IGSF21: variants seen among roughly 807,000 people sequenced by gnomAD.
IGSF21 encodes immunoglobulin superfamily member 21.
Under a neutral mutation model 46.8 loss-of-function variants are expected in IGSF21, and 28 were observed. The observed-to-expected ratio is 0.60, with a 90% CI of 0.44 to 0.82. The LOEUF (loss-of-function observed/expected upper bound fraction) is 0.82, where lower values mean the gene tolerates loss of function less well. Among genes scored for constraint, IGSF21 ranks in the 40% least tolerant of loss-of-function variants. The pLI is 0.00. For missense variants in IGSF21, 624 were observed against 665.5 expected, an observed-to-expected ratio of 0.94 and a Z score of 0.69; for synonymous variants, 284 against 273.6, an observed-to-expected ratio of 1.04 and a Z score of -0.38.
At position 18,109,087 on chromosome 1, in the gene IGSF21, G is replaced by C. The variant is rs2086118026; in HGVS notation, c.70+889G>C. 1.3e-5 allele frequency among the ~76,000 whole-genome samples: 2 copies of C among 151,492 alleles called. No homozygotes were observed. Among genetic ancestry groups the C allele is most frequent in the Admixed American group, 6.6e-5 (1 of 15,202 alleles). On this transcript the variant is annotated intron_variant, in intron 1 of 9. Transcript: ENST00000251296. The surrounding 1 kb of genome is among the most constrained non-coding windows in gnomAD (Gnocchi z 4.8). ...GAGGTTGAAGCCGAGCGGGTTCTCC[G>C]GAGCCAGTGAGAGGTGGCTCCGCAG...
intron 1 of IGSF21, among the ~76,000 whole-genome samples, chr1:18,169,800 C>T (rs139384521): frequency 6.6e-6 from 1 of 152,234 alleles, no homozygotes; most frequent in East Asian, 1.9e-4. Context: ...TCCTGGTCCA[C>T]AGTGTGGTAC....
chr1:18,144,200 C>G (rs919545248), intron 1 of IGSF21, among the ~76,000 whole-genome samples: 1 of 152,188 alleles, frequency 6.6e-6, no homozygotes. Flanking sequence ...AGCCTCTGCT[C>G]CTCCCATCTT....
At chr1:18,137,346 A>G (rs754170010) in intron 1 of IGSF21, among the ~76,000 whole-genome samples, 94 of 152,278 alleles carry the variant, frequency 6.2e-4, no homozygotes, top group African/African-American at 2.3e-3. Context: ...CACCTCCAAC[A>G]CTGGGGATTG....
intron 2 of IGSF21, among the ~76,000 whole-genome samples, chr1:18,275,311 A>G (rs909595658): frequency 6.6e-6 from 1 of 152,130 alleles, no homozygotes; most frequent in African/African-American, 2.4e-5. Flanking sequence ...TGGCGTCTCC[A>G]ATCCCCAAGC....
At chr1:18,186,817 C>G (rs113533576) in intron 1 of IGSF21, among the ~76,000 whole-genome samples, 70 of 152,148 alleles carry the variant, frequency 4.6e-4, no homozygotes, top group African/African-American at 1.6e-3. Context: ...CATGATCTCC[C>G]TGCCCTCACC....
At chr1:18,350,656 C>T (rs750431157) in intron 4 of IGSF21, among the ~76,000 whole-genome samples, 1 of 151,286 alleles carries the variant, frequency 6.6e-6, no homozygotes, top group African/African-American at 2.4e-5. Context: ...CCCCCTCCCA[C>T]AAAAAAAAAT....
rs1243417750 is a variant in IGSF21, at chr1:18,120,295, G to A, written c.70+12097G>A. ...AAGAGGACTGCCAGACAGCCAGGCG[G>A]CCCTGTGTAGAGGACTGCAGCCAAC... On this transcript the variant is annotated intron_variant, in intron 1 of 9. Coordinates refer to ENST00000251296, the MANE Select transcript of IGSF21 (RefSeq NM_032880.5). Among the ~76,000 whole-genome samples, 3 of 152,362 alleles carry A rather than the reference G, an allele frequency of 2.0e-5. No individual in the cohort carries two copies. In the East Asian group the frequency reaches 5.8e-4, roughly 29 times the overall value.
rs1400614870 is a variant in IGSF21 at position 18,109,752 on chromosome 1, T to C, written c.70+1554T>C. ...CCCCTCAACTTTGGGAGGAGGGCTC[T>C]AGAGGGAAAGGTTACATGGGGGAGG... On this transcript the variant is annotated intron_variant, in intron 1 of 9. Transcript: ENST00000251296. This position sits in a 1 kb window ranked among gnomAD's most constrained non-coding sequence, Gnocchi z 4.8. 6.6e-6 allele frequency: 1 copy of C among 152,198 alleles called. No homozygotes were observed. Among genetic ancestry groups the C allele is most frequent in the East Asian group, 1.9e-4 (1 of 5,138 alleles). 9.4% of individuals were successfully genotyped at this position (152,198 alleles called of 1,614,324 possible).
Position 18,331,741 on chromosome 1 carries a change from A to AC in IGSF21, c.306-3149dup, listed in dbSNP as rs1300121684. Among the ~76,000 whole-genome samples the AC allele has an allele frequency of 2.6e-5, 4 of 152,286 alleles. No homozygotes were observed. In the East Asian group the frequency reaches 7.7e-4, roughly 29 times the overall value. On this transcript the variant is annotated intron_variant, in intron 3 of 9. Coordinates refer to ENST00000251296, the MANE Select transcript of IGSF21 (RefSeq NM_032880.5). Reference sequence around the variant, plus strand: ...TTACCAGGGATAGAAAGCCCAGTAAACCTCTGCCTCCATATTCCAGGTGAG... The same window carrying AC: ...TTACCAGGGATAGAAAGCCCAGTAAACCCTCTGCCTCCATATTCCAGGTGAG...
intron 1 of IGSF21, among the ~76,000 whole-genome samples, chr1:18,211,405 C>CT (rs2084390071): frequency 1.3e-5 from 2 of 152,244 alleles, no homozygotes; most frequent in Non-Finnish European, 2.9e-5. Flanking sequence ...CAGAACATGT[C>CT]TTAAGACAAT....
At chr1:18,347,870 A>G (rs1466017969) in intron 4 of IGSF21, among the ~76,000 whole-genome samples, 2 of 152,186 alleles carry the variant, frequency 1.3e-5, no homozygotes, top group Admixed American at 6.5e-5. Context: ...CCTTTGATTC[A>G]AGCAATATTT....
chr1:18,287,269 G>A (rs2085223617), intron 2 of IGSF21, among the ~76,000 whole-genome samples: 1 of 150,366 alleles, frequency 6.7e-6, no homozygotes, highest in Admixed American at 6.6e-5. Context: ...GGTGGCAGGT[G>A]CCTGTAGTCT....
chr1:18,325,844 A>G (rs2085652346), intron 3 of IGSF21, among the ~76,000 whole-genome samples: 2 of 152,184 alleles, frequency 1.3e-5, no homozygotes. Context: ...GCTCTCACCC[A>G]GGGACTGTGA....
chr1:18,270,620 A>G (rs895970280), intron 2 of IGSF21, among the ~76,000 whole-genome samples: 1 of 152,174 alleles, frequency 6.6e-6, no homozygotes, highest in Non-Finnish European at 1.5e-5. Context: ...CCCACCATTA[A>G]CTAGAGACCA....
At chr1:18,255,656 C>G (rs546463639) in intron 2 of IGSF21, among the ~76,000 whole-genome samples, 5 of 152,126 alleles carry the variant, frequency 3.3e-5, no homozygotes, top group Non-Finnish European at 7.3e-5. Flanking sequence ...TTCCTCTCTG[C>G]ATCTTACACC....
chr1:18,301,689 G>A (rs889158419), intron 3 of IGSF21, among the ~76,000 whole-genome samples: 2 of 152,166 alleles, frequency 1.3e-5, no homozygotes, highest in African/African-American at 4.8e-5. Context: ...CTTAGTAGGG[G>A]AGACTGACAC....
intron 1 of IGSF21, among the ~76,000 whole-genome samples, chr1:18,155,359 C>G (rs1040635530): frequency 6.6e-6 from 1 of 152,152 alleles, no homozygotes; most frequent in African/African-American, 2.4e-5. Context: ...CCTTGCTGAG[C>G]CTCTGCTCCT....
In IGSF21 at chr1:18,273,349, C is replaced by CCTTTCCTTTG. The variant is rs1557618153; in HGVS notation, c.184-18508_184-18507insGCTTTCCTTT. Among the ~76,000 whole-genome samples, 269 of 76,066 alleles carry CCTTTCCTTTG rather than the reference C, an allele frequency of 3.5e-3. 16 individuals carry two copies. Among genetic ancestry groups the CCTTTCCTTTG allele is most frequent in the African/African-American group, 0.015 (256 of 17,530 alleles). The allele number at this position is 76,066 out of a possible 152,430, so 49.9% of individuals were successfully genotyped here. A position where few individuals can be genotyped will look rare whatever the true frequency, so the allele number is the denominator to read the frequency against. ...AGCCACCATTCCTTTCCTTTCCTTTCCTTTCCTTTCCTTTCCTTTCCTTTC... is the reference window on the plus strand; with the variant it reads ...AGCCACCATTCCTTTCCTTTCCTTTCCTTTCCTTTGCTTTCCTTTCCTTTCCTTTCCTTTC... On this transcript the variant is annotated intron_variant, in intron 2 of 9. Coordinates refer to ENST00000251296, the MANE Select transcript of IGSF21 (RefSeq NM_032880.5).
At chr1:18,207,049 C>A (rs1480901115) in intron 1 of IGSF21, among the ~76,000 whole-genome samples, 12 of 152,196 alleles carry the variant, frequency 7.9e-5, no homozygotes, top group African/African-American at 2.9e-4. Context: ...GTCTTAGGAG[C>A]AAGAATCCAC....
Sources: gnomAD v4.1 joint callset for allele counts (sites outside exome capture counted in the v4.1 genomes callset) on GRCh38, gnomAD v4.1.1 for gene constraint, Gnocchi (gnomAD v3.1) non-coding constraint, MANE v1.5 for transcripts, NCBI Gene and HGNC (gene_info 2026-07-23, HGNC 2026-07-21) for gene names.